Variants in STAMBPL1 observed in about 807,000 individuals in gnomAD.
STAMBPL1 encodes the protein AMSH-like protease.
In STAMBPL1, 44 loss-of-function variants were observed where a neutral mutation model predicts 52.9. That is an observed-to-expected ratio of 0.83 (90% CI 0.65 to 1.07). The LOEUF (loss-of-function observed/expected upper bound fraction) is 1.07. STAMBPL1 is among the 50% of genes least tolerant of loss of function. The pLI is 0.00. For missense variants in STAMBPL1, 511 were observed against 520.8 expected (o/e 0.98, Z 0.18); for synonymous variants, 164 against 177.3 (o/e 0.92, Z 0.60).
chr10:88,902,459 T>C (rs573319394), intron 2 of STAMBPL1, among the ~76,000 whole-genome samples: 3 of 152,136 alleles, frequency 2.0e-5, no homozygotes, highest in Non-Finnish European at 4.4e-5. Context: ...CTTGTAGGAG[T>C]AGCCCCATGA....
intron 1 of STAMBPL1, among the ~76,000 whole-genome samples, chr10:88,888,637 C>A (rs1478919724): frequency 6.6e-6 from 1 of 152,120 alleles, no homozygotes; most frequent in Admixed American, 6.5e-5. Context: ...TTAGGAAGTC[C>A]TTGAATAATT....
intron 4 of STAMBPL1, among the ~76,000 whole-genome samples, chr10:88,909,863 A>G (rs1316729191): frequency 6.6e-6 from 1 of 152,100 alleles, no homozygotes; most frequent in Non-Finnish European, 1.5e-5. Flanking sequence ...TGCCTCCCAA[A>G]GTGTTAGGAT....
chr10:88,916,589 G>A (rs1845375534), intron 7 of STAMBPL1, 91 bp from the exon 8 acceptor site: 1 of 1,334,356 alleles, frequency 7.5e-7, no homozygotes, highest in Non-Finnish European at 9.8e-7. Flanking sequence ...CCTGCTGGGG[G>A]ACTCTTTAGT....
At chr10:88,920,217 C>A (rs1007732504) in intron 8 of STAMBPL1, among the ~76,000 whole-genome samples, 2 of 152,208 alleles carry the variant, frequency 1.3e-5, no homozygotes, top group African/African-American at 2.4e-5. Flanking sequence ...CATTTAGCTA[C>A]TACTATGGCT....
intron 1 of STAMBPL1, among the ~76,000 whole-genome samples, chr10:88,886,942 A>G (rs1417065948): frequency 2.6e-5 from 4 of 152,228 alleles, no homozygotes; most frequent in African/African-American, 9.6e-5. Flanking sequence ...TCCTGTCACT[A>G]CAACTGTATC....
Position 88,908,741 on chromosome 10 carries a change from G to A in STAMBPL1, c.288G>A (p.Gln96=), listed in dbSNP as rs769882182. ...AGCTTCCTAACCATCGAGATTACCA[G>A]CAATGTGCAGTACCTGAAAAGCAGG... is the stretch of plus-strand genomic sequence containing the variant. The part of the protein sequence containing the change: ...VEKLPNHRDY[Q]QCAVPEKQDI... The change falls in exon 4 of 11, where the codon CAG becomes CAA. Residue 96 remains glutamine, a synonymous_variant. Transcript: ENST00000371926. 8 of 1,609,272 alleles carry A rather than the reference G, an allele frequency of 5.0e-6. No homozygotes were observed. In the South Asian group the frequency reaches 8.9e-5, roughly 18 times the overall value.
At chr10:88,903,022 C>T (rs1186721571) in intron 2 of STAMBPL1, among the ~76,000 whole-genome samples, 4 of 152,218 alleles carry the variant, frequency 2.6e-5, no homozygotes. Flanking sequence ...ATTTCCACCT[C>T]TCCAGAGGAA....
chr10:88,910,779 T>G (rs1339090379), intron 4 of STAMBPL1, 137 bp from the exon 5 acceptor site: 1 of 542,604 alleles, frequency 1.8e-6, no homozygotes, highest in Non-Finnish European at 3.2e-6. Flanking sequence ...AAAAGAGATT[T>G]ATTTTTCTGC....
At chr10:88,889,966 A>G (rs983548320) in intron 1 of STAMBPL1, among the ~76,000 whole-genome samples, 1 of 152,186 alleles carries the variant, frequency 6.6e-6, no homozygotes, top group African/African-American at 2.4e-5. Flanking sequence ...TTTCCTAGAA[A>G]ATCCCTTGAT....
chr10:88,904,428 T>C (rs1845022114), intron 2 of STAMBPL1, among the ~76,000 whole-genome samples: 1 of 152,216 alleles, frequency 6.6e-6, no homozygotes, highest in African/African-American at 2.4e-5. Context: ...TGAAACATGC[T>C]GGTCTAAAGC....
intron 1 of STAMBPL1, among the ~76,000 whole-genome samples, chr10:88,883,233 A>G (rs1297020320): frequency 6.6e-6 from 1 of 152,148 alleles, no homozygotes; most frequent in Non-Finnish European, 1.5e-5. Flanking sequence ...TTTTTAAATC[A>G]TAACTTTATA....
At chr10:88,899,363 G>A (rs1844888812) in intron 1 of STAMBPL1, among the ~76,000 whole-genome samples, 1 of 152,120 alleles carries the variant, frequency 6.6e-6, no homozygotes, top group Admixed American at 6.5e-5. Context: ...GTGGGTCTTA[G>A]GAGACTGCAT....
At chr10:88,902,969 GT>G (rs1844983144) in intron 2 of STAMBPL1, among the ~76,000 whole-genome samples, 2 of 152,274 alleles carry the variant, frequency 1.3e-5, no homozygotes, top group African/African-American at 4.8e-5. Context: ...TTCACTTTCT[GT>G]CCCCATGTTG....
Position 88,914,674 on chromosome 10 carries a change from A to G in STAMBPL1, c.903+16A>G, listed in dbSNP as rs999517281. 9.4e-7 allele frequency: 1 copy of G among 1,068,164 alleles called. No individual in the cohort carries two copies. The highest frequency in any genetic ancestry group is 1.2e-6 in the Non-Finnish European group (1 of 825,662). The allele number at this position is 1,068,164 out of a possible 1,614,324, so 66.2% of individuals were successfully genotyped here. A position where few individuals can be genotyped will look rare whatever the true frequency, so the allele number is the denominator to read the frequency against. On this transcript the variant is annotated intron_variant, in intron 7 of 10. Transcript: ENST00000371926. Reference sequence around the variant, plus strand: ...TGGAAAACTGGTATGATCTTTTTATATAAATATATATATATATATATCTGC... The same window carrying G: ...TGGAAAACTGGTATGATCTTTTTATGTAAATATATATATATATATATCTGC...
At chr10:88,903,495 T>G (rs1844997451) in intron 2 of STAMBPL1, among the ~76,000 whole-genome samples, 1 of 152,206 alleles carries the variant, frequency 6.6e-6, no homozygotes, top group Non-Finnish European at 1.5e-5. Context: ...ACAGAAATAA[T>G]TATAACTCAG....
chr10:88,903,832 C>T (rs1845007791), intron 2 of STAMBPL1, among the ~76,000 whole-genome samples: 1 of 152,180 alleles, frequency 6.6e-6, no homozygotes, highest in South Asian at 2.1e-4. Context: ...ATAAAATGTA[C>T]AAGGGACATG....
chr10:88,918,636 T>C (rs535434817), intron 8 of STAMBPL1, among the ~76,000 whole-genome samples: 6 of 152,204 alleles, frequency 3.9e-5, no homozygotes, highest in African/African-American at 4.8e-5. Context: ...GTAATATGCA[T>C]TACACTTTGC....
intron 1 of STAMBPL1, among the ~76,000 whole-genome samples, chr10:88,888,596 A>G (rs1378056990): frequency 6.6e-6 from 1 of 152,216 alleles, no homozygotes; most frequent in African/African-American, 2.4e-5. Context: ...TGTATACATG[A>G]AGGCCACCTA....
In STAMBPL1 at chr10:88,891,099, C is replaced by T. The variant is rs921890440; in HGVS notation, c.-54+10461C>T. Among the ~76,000 whole-genome samples the T allele has an allele frequency of 6.6e-5, 10 of 152,176 alleles. No homozygotes were observed. In the South Asian group the frequency reaches 8.3e-4, roughly 13 times the overall value. ...GAAGGAAAAAGGCCATTCTGCCTAG[C>T]GGTCAAGAAAGGACCATATTCTTCT... On this transcript the variant is annotated intron_variant, in intron 1 of 10. Coordinates refer to ENST00000371926, the MANE Select transcript of STAMBPL1 (RefSeq NM_020799.4).
Sources: gnomAD v4.1 joint callset for allele counts (sites outside exome capture counted in the v4.1 genomes callset) on GRCh38, gnomAD v4.1.1 for gene constraint, MANE v1.5 for transcripts, NCBI Gene and HGNC (gene_info 2026-07-23, HGNC 2026-07-21) for gene names.